The following MDGA2 variants were observed in gnomAD, a reference collection of about 807,000 sequenced individuals.
MDGA2 encodes MAM domain-containing glycosylphosphatidylinositol anchor protein 2.
In MDGA2, 40 loss-of-function variants were observed where a neutral mutation model predicts 117.8. The observed-to-expected ratio is 0.34, with a 90% CI of 0.26 to 0.44. The LOEUF is 0.44. Ranked by LOEUF, MDGA2 falls within the 20% of genes least tolerant of loss-of-function variation. The pLI, the probability that MDGA2 is intolerant of heterozygous loss-of-function variation, is 1.00. For missense variants in MDGA2, 1,123 were observed against 1,250.6 expected, an observed-to-expected ratio of 0.90 and a Z score of 1.54; for synonymous variants, 452 against 439.0, an observed-to-expected ratio of 1.03 and a Z score of -0.37.
At chr14:46,982,111 C>G (rs17560283) in intron 8 of MDGA2, among the ~76,000 whole-genome samples, 19,805 of 152,108 alleles carry the variant, frequency 0.13, 1,448 homozygotes, top group Non-Finnish European at 0.16. Flanking sequence ...AGTGATGTCA[C>G]ATACAAGTGT....
At chr14:47,390,448 T>A (rs12147667) in intron 1 of MDGA2, among the ~76,000 whole-genome samples, 1 of 151,862 alleles carries the variant, frequency 6.6e-6, no homozygotes. Flanking sequence ...GTAAAGATAC[T>A]ATCGTTTTTC....
intron 1 of MDGA2, among the ~76,000 whole-genome samples, chr14:47,521,873 T>C (rs985625358): frequency 9.2e-5 from 14 of 152,208 alleles, no homozygotes; most frequent in Admixed American, 4.6e-4. Context: ...GGTTTCACCA[T>C]GTTGGCCAGG....
At chr14:47,173,881 G>C (rs1232179527) in intron 3 of MDGA2, among the ~76,000 whole-genome samples, 2 of 152,152 alleles carry the variant, frequency 1.3e-5, no homozygotes, top group Admixed American at 6.5e-5. Flanking sequence ...AGACCCATCA[G>C]TGTGCTGTAT....
chr14:47,398,274 A>G (rs1344363014), intron 1 of MDGA2, among the ~76,000 whole-genome samples: 1 of 152,184 alleles, frequency 6.6e-6, no homozygotes, highest in Non-Finnish European at 1.5e-5. Context: ...AAGTATAGAA[A>G]TCAATATTAT....
At chr14:47,544,800 A>T (rs1895426565) in intron 1 of MDGA2, among the ~76,000 whole-genome samples, 1 of 152,112 alleles carries the variant, frequency 6.6e-6, no homozygotes, top group Admixed American at 6.6e-5. Context: ...ATGGGATCAA[A>T]CCTGTAGATA....
chr14:47,256,562 G>A (rs1887626504), intron 2 of MDGA2, among the ~76,000 whole-genome samples: 1 of 152,034 alleles, frequency 6.6e-6, no homozygotes, highest in Non-Finnish European at 1.5e-5. Context: ...TATGCATCTT[G>A]CACACTTAAA....
intron 1 of MDGA2, chr14:47,342,894 A>G (rs761918706): frequency 2.4e-6 from 1 of 416,702 alleles, no homozygotes; most frequent in South Asian, 1.8e-5. Context: ...GGGAAAAAAG[A>G]GGAAAGGAAC....
At chr14:47,466,841 T>C (rs767089149) in intron 1 of MDGA2, among the ~76,000 whole-genome samples, 5 of 152,030 alleles carry the variant, frequency 3.3e-5, no homozygotes, top group Non-Finnish European at 7.4e-5. Context: ...TAATACAAAA[T>C]TATATATGCA....
chr14:47,117,320 A>G (rs1881386345), intron 5 of MDGA2, among the ~76,000 whole-genome samples: 1 of 152,160 alleles, frequency 6.6e-6, no homozygotes, highest in African/African-American at 2.4e-5. Context: ...TGCAGCTGCA[A>G]TGGAAAACGA....
At chr14:47,189,920 A>G (rs1885048652) in intron 3 of MDGA2, among the ~76,000 whole-genome samples, 1 of 152,174 alleles carries the variant, frequency 6.6e-6, no homozygotes, top group Non-Finnish European at 1.5e-5. Context: ...AGAAATAATG[A>G]GGCTGTGTTA....
Position 47,131,820 on chromosome 14 carries a change from CT to C in MDGA2, c.818del (p.Lys273ArgfsTer17). On this transcript the variant is annotated frameshift_variant, in exon 5 of 17. Transcript: ENST00000399232. LOFTEE classifies it high-confidence loss of function. ...TQGETKILKL[K>X]NLRPQDYANY... ...TAGCATAGTCCTGAGGTCGAAGATT[CT>C]TTAGTTTTAAGATCTTTGTTTCACC... The C allele has an allele frequency of 1.3e-6, 2 of 1,587,546 alleles. No homozygotes were observed. The highest frequency in any genetic ancestry group is 1.1e-5 in the South Asian group (1 of 88,388).
intron 9 of MDGA2, among the ~76,000 whole-genome samples, chr14:46,934,534 G>C (rs1036296958): frequency 5.3e-5 from 8 of 152,064 alleles, no homozygotes; most frequent in Non-Finnish European, 1.0e-4. Flanking sequence ...ACGTACTACT[G>C]TCCTTGTCTG....
intron 8 of MDGA2, among the ~76,000 whole-genome samples, chr14:47,026,771 A>G (rs1325519419): frequency 1.3e-5 from 2 of 152,112 alleles, no homozygotes; most frequent in East Asian, 3.9e-4. Context: ...ATATATTTAT[A>G]TATGTGTTTA....
chr14:46,932,207 G>A (rs866148217), intron 9 of MDGA2, among the ~76,000 whole-genome samples: 5 of 151,654 alleles, frequency 3.3e-5, no homozygotes, highest in Middle Eastern at 3.7e-3. Flanking sequence ...CATAAAGAAC[G>A]ATAGTAATTA....
At chr14:47,293,400 C>A (rs367832980) in intron 2 of MDGA2, among the ~76,000 whole-genome samples, 1 of 152,112 alleles carries the variant, frequency 6.6e-6, no homozygotes, top group African/African-American at 2.4e-5. Context: ...TTAGTCCTAG[C>A]CCAGTATCGT....
chr14:46,961,262 G>T lies in MDGA2; in HGVS notation c.1820-3619C>A, dbSNP rs1036415729. ...TTAAGTTTGGTGTCTTTCATCTGAG[G>T]TAATTTTGGAAAATTCTCATCATTA... On this transcript the variant is annotated intron_variant, in intron 8 of 16. Coordinates refer to ENST00000399232, the MANE Select transcript of MDGA2 (RefSeq NM_001113498.3). Among the ~76,000 whole-genome samples the T allele has an allele frequency of 1.3e-5, 2 of 152,016 alleles. 1 individual carries two copies. Among genetic ancestry groups the T allele is most frequent in the Non-Finnish European group, 2.9e-5 (2 of 68,010 alleles).
chr14:47,665,621 G>A (rs963962831), intron 1 of MDGA2, among the ~76,000 whole-genome samples: 1 of 152,152 alleles, frequency 6.6e-6, no homozygotes, highest in East Asian at 1.9e-4. Flanking sequence ...CCCTGCACTC[G>A]GAGCGGCCTG....
At chr14:47,319,950 T>C (rs1364109314) in intron 1 of MDGA2, among the ~76,000 whole-genome samples, 1 of 152,078 alleles carries the variant, frequency 6.6e-6, no homozygotes, top group African/African-American at 2.4e-5. Flanking sequence ...CAGATGTTCT[T>C]GTATAAGGGG....
intron 14 of MDGA2, among the ~76,000 whole-genome samples, chr14:46,867,496 A>C (rs1441967023): frequency 1.3e-5 from 2 of 152,094 alleles, no homozygotes; most frequent in Non-Finnish European, 2.9e-5. Context: ...TACATATGTA[A>C]CTAACCTGCA....
Sources: allele counts gnomAD v4.1 joint callset (sites outside exome capture counted in the v4.1 genomes callset), GRCh38; gene constraint gnomAD v4.1.1; transcripts MANE v1.5; gene names NCBI Gene and HGNC (gene_info 2026-07-23, HGNC 2026-07-21).